The following GFPT2 variants were observed in gnomAD, a reference collection of about 807,000 sequenced individuals.
GFPT2 encodes glutamine--fructose-6-phosphate aminotransferase [isomerizing] 2.
GFPT2 carries 62 observed loss-of-function variants against 85.6 expected under a neutral mutation model. The observed-to-expected ratio is 0.72, with a 90% CI of 0.59 to 0.90. GFPT2 has a LOEUF of 0.90. Ranked by LOEUF, GFPT2 falls within the 40% of genes least tolerant of loss-of-function variation. The pLI, the probability that GFPT2 is intolerant of heterozygous loss-of-function variation, is 0.00. For synonymous variants in GFPT2, 368 were observed against 344.5 expected (o/e 1.07, Z -0.75); for missense variants, 788 against 893.4 (o/e 0.88, Z 1.50).
At chr5:180,326,278 A>G (rs1202513376) in intron 7 of GFPT2, among the ~76,000 whole-genome samples, 1 of 151,304 alleles carries the variant, frequency 6.6e-6, no homozygotes, top group Non-Finnish European at 1.5e-5. Flanking sequence ...TAATTTATTA[A>G]TAAGAAGAAA....
chr5:180,304,306 G>A (rs907534024), intron 17 of GFPT2, among the ~76,000 whole-genome samples: 1 of 152,226 alleles, frequency 6.6e-6, no homozygotes, highest in African/African-American at 2.4e-5. Context: ...GGGAGAGTGG[G>A]AATCCTTGGA....
At chr5:180,317,603 C>CA (rs751097467) in intron 10 of GFPT2, among the ~76,000 whole-genome samples, 6 of 148,256 alleles carry the variant, frequency 4.0e-5, no homozygotes, top group Non-Finnish European at 8.9e-5. Context: ...ACTAAAAATA[C>CA]AAAAAATTAG....
Position 180,353,298 on chromosome 5 carries a change from TGGGCTCCG to T in GFPT2, c.-89_-82del. The T allele has an allele frequency of 7.6e-6, 2 of 261,586 alleles. No individual in the cohort carries two copies. The highest frequency in any genetic ancestry group is 5.1e-6 in the Non-Finnish European group (1 of 196,196). 16.2% of individuals were successfully genotyped at this position (261,586 alleles called of 1,614,324 possible). ...TGGGGCTCCTCCGTGGGCTCCTCCG[TGGGCTCCG>T]TGGGCTCCGTGGGCTCCGCGGGCTC... On this transcript the variant is annotated 5_prime_UTR_variant, in exon 1 of 19. Transcript: ENST00000253778.
intron 17 of GFPT2, among the ~76,000 whole-genome samples, chr5:180,303,186 C>T (rs549282600): frequency 1.3e-4 from 19 of 149,388 alleles, no homozygotes; most frequent in South Asian, 4.3e-4. Context: ...GCCGAGATGG[C>T]GCCACTGCAC....
At chr5:180,301,687 A>G in intron 18 of GFPT2, 79 bp from the exon 19 acceptor site, 1 of 1,201,866 alleles carries the variant, frequency 8.3e-7, no homozygotes, top group Non-Finnish European at 1.2e-6. Flanking sequence ...TTTTCAGAGT[A>G]CTTAAAAACA....
At chr5:180,324,056 A>G in intron 9 of GFPT2, 132 bp downstream of exon 9, 1 of 684,512 alleles carries the variant, frequency 1.5e-6, no homozygotes. Flanking sequence ...GGATGGCTGA[A>G]CTCTTCTTTG....
chr5:180,317,175 G>C (rs1287694029), intron 10 of GFPT2, 117 bp from the exon 11 acceptor site: 2 of 742,514 alleles, frequency 2.7e-6, no homozygotes, highest in Non-Finnish European at 4.8e-6. Flanking sequence ...GCATCCCCAG[G>C]GATTACCCTG....
chr5:180,341,101 G>A (rs116735971), intron 1 of GFPT2, among the ~76,000 whole-genome samples: 1 of 152,316 alleles, frequency 6.6e-6, no homozygotes, highest in African/African-American at 2.4e-5. Flanking sequence ...CAGAGCCACA[G>A]GGGAGCCTGT....
In GFPT2 at chr5:180,324,750, C is replaced by T; in HGVS notation, c.676+66G>A. 4 of 1,046,268 alleles carry T rather than the reference C, an allele frequency of 3.8e-6. No individual in the cohort carries two copies. The Admixed American group carries it at 6.7e-5, about 18-fold the overall frequency. 64.8% of individuals were successfully genotyped at this position (1,046,268 alleles called of 1,614,324 possible). ...TGCCTCAGAGGGGAGCTGACTGTGC[C>T]AGAGCAGCTGCCGAGTCCTGCGACA... On this transcript the variant is annotated intron_variant, in intron 8 of 18. Transcript: ENST00000253778.
At chr5:180,321,761 G>GGTTTTGTTTTGTTTTGTTTT (rs10610483) in intron 9 of GFPT2, among the ~76,000 whole-genome samples, 2 of 150,542 alleles carry the variant, frequency 1.3e-5, no homozygotes, top group African/African-American at 4.9e-5. Context: ...TAATATGGAG[G>GGTTTTGTTTTGTTTTGTTTT]GTTTTGTTTT....
rs912524599 is a variant in GFPT2, at chr5:180,318,106, T to C, written c.958+687A>G. On this transcript the variant is annotated intron_variant, in intron 10 of 18. Coordinates refer to ENST00000253778, the MANE Select transcript of GFPT2 (RefSeq NM_005110.4). This position sits in a 1 kb window ranked among gnomAD's most constrained non-coding sequence, Gnocchi z 4.2. ...AAGGAGTCTCTGAGGGGGTGACATT[T>C]CAAGGGAGCTGGAGGCAATGAAAAG... 6.6e-6 allele frequency among the ~76,000 whole-genome samples: 1 copy of C among 152,004 alleles called. No individual in the cohort carries two copies. Among genetic ancestry groups the C allele is most frequent in the African/African-American group, 2.4e-5 (1 of 41,378 alleles).
chr5:180,305,702 A>G (rs1414094303), intron 16 of GFPT2, among the ~76,000 whole-genome samples: 7 of 152,270 alleles, frequency 4.6e-5, no homozygotes, highest in African/African-American at 7.2e-5. Flanking sequence ...TGCAATGTGC[A>G]TCTCCCGCCA....
chr5:180,319,135 C>T (rs1450148009), intron 9 of GFPT2, among the ~76,000 whole-genome samples, 179 bp from the exon 10 acceptor site: 1 of 152,230 alleles, frequency 6.6e-6, no homozygotes, highest in Non-Finnish European at 1.5e-5. Flanking sequence ...CTCTTCCCTC[C>T]TGTCCCCACG....
rs770525118 is a variant in GFPT2 at position 180,323,574 on chromosome 5, CT to C, written c.794+613del. On this transcript the variant is annotated intron_variant, in intron 9 of 18. Coordinates refer to ENST00000253778, the MANE Select transcript of GFPT2 (RefSeq NM_005110.4). This position sits in a 1 kb window ranked among gnomAD's most constrained non-coding sequence, Gnocchi z 4.0. Reference sequence around the variant, plus strand: ...TGTGTGTGTGTGAGTGTGTGTATAACTTTTTTTTTTTCTGAAATGAGTATAA... The same window carrying C: ...TGTGTGTGTGTGAGTGTGTGTATAACTTTTTTTTTTCTGAAATGAGTATAA... Among the ~76,000 whole-genome samples the C allele has an allele frequency of 2.0e-4, 29 of 148,476 alleles. No individual in the cohort carries two copies. Among genetic ancestry groups the C allele is most frequent in the South Asian group, 4.3e-4 (2 of 4,698 alleles).
rs1173503820 is a variant in GFPT2 at position 180,330,990 on chromosome 5, C to T, written c.400-156G>A. On this transcript the variant is annotated intron_variant, in intron 5 of 18. Transcript: ENST00000253778. The surrounding 1 kb of genome is among the most constrained non-coding windows in gnomAD (Gnocchi z 4.4). ...GGAAAAATGTTTGCCAGCATCACAGCCAAATACCTCTGAGTCACTCCCGGA... is the reference window on the plus strand; with the variant it reads ...GGAAAAATGTTTGCCAGCATCACAGTCAAATACCTCTGAGTCACTCCCGGA... 1.5e-6 allele frequency: 1 copy of T among 647,400 alleles called. No homozygotes were observed. The allele number at this position is 647,400 out of a possible 1,614,324, so 40.1% of individuals were successfully genotyped here. A position where few individuals can be genotyped will look rare whatever the true frequency, so the allele number is the denominator to read the frequency against.
At chr5:180,337,325 C>T (rs184392789) in intron 2 of GFPT2, among the ~76,000 whole-genome samples, 31 of 151,960 alleles carry the variant, frequency 2.0e-4, no homozygotes, top group African/African-American at 7.0e-4. Flanking sequence ...TGGTGGTGGG[C>T]GCCTGTAGTC....
At chr5:180,302,948 G>C (rs981976946) in intron 17 of GFPT2, among the ~76,000 whole-genome samples, 1 of 152,182 alleles carries the variant, frequency 6.6e-6, no homozygotes, top group Non-Finnish European at 1.5e-5. Context: ...ATGAATTCCA[G>C]GCCGGGCGTG....
intron 4 of GFPT2, 98 bp from the exon 5 acceptor site, chr5:180,331,651 C>T (rs191372239): frequency 2.6e-5 from 20 of 764,646 alleles, no homozygotes; most frequent in Admixed American, 1.2e-4. Flanking sequence ...CTGCAAACTC[C>T]AGGCCTCAAG....
chr5:180,324,461 A>T (rs1039678727), intron 8 of GFPT2, 156 bp from the exon 9 acceptor site: 50 of 601,170 alleles, frequency 8.3e-5, no homozygotes, highest in African/African-American at 8.1e-4. Context: ...ATCCCCCAAT[A>T]GCACAGTACC....
Sources: gnomAD v4.1 joint callset for allele counts (sites outside exome capture counted in the v4.1 genomes callset) on GRCh38, gnomAD v4.1.1 for gene constraint, Gnocchi (gnomAD v3.1) non-coding constraint, MANE v1.5 for transcripts, NCBI Gene and HGNC (gene_info 2026-07-23, HGNC 2026-07-21) for gene names.